The following MICAL2 variants were observed in gnomAD, a reference collection of about 807,000 sequenced individuals.
MICAL2 encodes the protein microtubule associated monooxygenase, calponin and LIM domain containing 2, also known as [F-actin]-monooxygenase MICAL2.
MICAL2 carries 77 observed loss-of-function variants against 127.3 expected under a neutral mutation model. The ratio of observed to expected loss-of-function variants is 0.60; its 90% CI spans 0.50 to 0.73. The LOEUF (loss-of-function observed/expected upper bound fraction) is 0.73. Ranked by LOEUF, MICAL2 falls within the 30% of genes least tolerant of loss-of-function variation. The pLI, the probability that MICAL2 is intolerant of heterozygous loss-of-function variation, is 0.00. For synonymous variants in MICAL2, 570 were observed against 551.1 expected, an observed-to-expected ratio of 1.03 and a Z score of -0.48; for missense variants, 1,351 against 1,434.4, an observed-to-expected ratio of 0.94 and a Z score of 0.94.
chr11:12,218,630 G>A (rs1013001684), intron 8 of MICAL2, among the ~76,000 whole-genome samples: 1 of 152,202 alleles, frequency 6.6e-6, no homozygotes, highest in Non-Finnish European at 1.5e-5. Flanking sequence ...TGTGACCGCG[G>A]AAACAGGGAT....
intron 3 of MICAL2, among the ~76,000 whole-genome samples, chr11:12,168,946 C>CAAAAAAA (rs66469229): frequency 1.7e-5 from 2 of 115,208 alleles, no homozygotes; most frequent in African/African-American, 7.0e-5. Context: ...GATCCTGTCT[C>CAAAAAAA]AAAAAAAAAA....
At chr11:12,289,091 G>T (rs1863861843), downstream of MICAL2, among the ~76,000 whole-genome samples, 2 of 152,226 alleles carry the variant, frequency 1.3e-5, no homozygotes, top group Non-Finnish European at 2.9e-5. Flanking sequence ...CTCCCCAGCT[G>T]ATCATGCTGC....
At chr11:12,178,229 G>A (rs1272865910) in intron 3 of MICAL2, among the ~76,000 whole-genome samples, 2 of 152,196 alleles carry the variant, frequency 1.3e-5, no homozygotes, top group East Asian at 1.9e-4. Flanking sequence ...AGGGAGGTGT[G>A]CTCAGAGAAG....
At chr11:12,236,896 G>A (rs1859150373) in intron 16 of MICAL2, among the ~76,000 whole-genome samples, 1 of 152,314 alleles carries the variant, frequency 6.6e-6, no homozygotes, top group African/African-American at 2.4e-5. Flanking sequence ...TATTGTCAGC[G>A]AAGTGTGGGA....
At chr11:12,203,822 A>T (rs1590333403) in intron 3 of MICAL2, among the ~76,000 whole-genome samples, 1 of 152,174 alleles carries the variant, frequency 6.6e-6, no homozygotes, top group South Asian at 2.1e-4. Context: ...TATCTAAGAC[A>T]CTATTACCTA....
At chr11:12,240,995 A>C (rs771277046) in intron 17 of MICAL2, 45 bp from the exon 18 acceptor site, 45 of 1,603,918 alleles carry the variant, frequency 2.8e-5, no homozygotes, top group Admixed American at 8.5e-5. Context: ...CTTTTCCTTC[A>C]TGTCTCCTGT....
chr11:12,219,260 G>A (rs1414202490), intron 8 of MICAL2, among the ~76,000 whole-genome samples: 2 of 152,076 alleles, frequency 1.3e-5, no homozygotes, highest in Non-Finnish European at 2.9e-5. Flanking sequence ...TGAGCAGCTT[G>A]GACTCTGGGG....
chr11:12,275,101 C>A (rs1431649411), upstream of MICAL2, among the ~76,000 whole-genome samples: 1 of 152,106 alleles, frequency 6.6e-6, no homozygotes, highest in Non-Finnish European at 1.5e-5. Flanking sequence ...AACGAAAGGA[C>A]AAGAGCAGTC....
intron 22 of MICAL2, chr11:12,253,849 G>A (rs559481254): frequency 2.2e-4 from 34 of 152,278 alleles, no homozygotes; most frequent in African/African-American, 7.0e-4. Context: ...TAACCTTTTC[G>A]GTTTCTATGG....
upstream of MICAL2, among the ~76,000 whole-genome samples, chr11:12,272,964 G>A (rs1863688868): frequency 6.6e-6 from 1 of 152,204 alleles, no homozygotes; most frequent in African/African-American, 2.4e-5. Flanking sequence ...ATGGGGCAGG[G>A]CTATACACCC....
intron 30 of MICAL2, chr11:12,323,954 T>G (rs1864328249): frequency 6.3e-7 from 1 of 1,588,114 alleles, no homozygotes; most frequent in Non-Finnish European, 8.5e-7. Flanking sequence ...CTGACATAAT[T>G]TTTTTCTCCA....
At chr11:12,316,189 A>T (rs1864229585) in intron 29 of MICAL2, among the ~76,000 whole-genome samples, 1 of 152,026 alleles carries the variant, frequency 6.6e-6, no homozygotes, top group Non-Finnish European at 1.5e-5. Context: ...GACAATATAT[A>T]GCAGGTTCTT....
chr11:12,147,639 G>A (rs943405248), intron 2 of MICAL2, among the ~76,000 whole-genome samples: 54 of 152,212 alleles, frequency 3.5e-4, no homozygotes, highest in African/African-American at 1.1e-3. Context: ...GCCAAATGGC[G>A]TGGTCTGTGA....
intron 7 of MICAL2, among the ~76,000 whole-genome samples, chr11:12,215,234 G>A (rs184914859): frequency 3.5e-4 from 53 of 152,198 alleles, no homozygotes; most frequent in African/African-American, 1.2e-3. Context: ...TGTCACCTTC[G>A]GCCATCGTTT....
rs1555024327 is a variant in MICAL2, at chr11:12,344,472, C to CTATTATTAT, written c.5516-5331_5516-5323dup. ...ATGATCCTTGTCAAAATTCTAGAAA[C>CTATTATTAT]TATTATTATTATTATTATTATTATT... On this transcript the variant is annotated intron_variant, in intron 32 of 34. Transcript: ENST00000646065. Among the ~76,000 whole-genome samples the CTATTATTAT allele has an allele frequency of 4.3e-3, 611 of 141,464 alleles. 3 individuals are homozygous for CTATTATTAT. The highest frequency in any genetic ancestry group is 6.2e-3 in the African/African-American group (240 of 38,422). 92.8% of individuals were successfully genotyped at this position (141,464 alleles called of 152,430 possible).
intron 8 of MICAL2, among the ~76,000 whole-genome samples, chr11:12,217,041 G>A (rs1184142368): frequency 6.6e-6 from 1 of 152,164 alleles, no homozygotes; most frequent in African/African-American, 2.4e-5. Flanking sequence ...GCGACTTCAT[G>A]CTTAAGCACG....
chr11:12,180,349 A>ATATATAT (rs11403732), intron 3 of MICAL2, among the ~76,000 whole-genome samples: 50 of 139,710 alleles, frequency 3.6e-4, no homozygotes, highest in South Asian at 1.4e-3. Flanking sequence ...ATATGTATAT[A>ATATATAT]TTTTTTTTTT....
intron 31 of MICAL2, chr11:12,327,151 A>T: frequency 6.5e-7 from 1 of 1,549,360 alleles, no homozygotes; most frequent in Non-Finnish European, 8.7e-7. Flanking sequence ...TCCTTGTGTG[A>T]CATCTGATCC....
At chr11:12,289,250 A>C (rs1329537161), downstream of MICAL2, among the ~76,000 whole-genome samples, 1 of 152,210 alleles carries the variant, frequency 6.6e-6, no homozygotes, top group East Asian at 1.9e-4. Flanking sequence ...AACAACCCTA[A>C]GGGCCAGCTG....
Sources: allele counts gnomAD v4.1 joint callset (sites outside exome capture counted in the v4.1 genomes callset), GRCh38; gene constraint gnomAD v4.1.1; transcripts MANE v1.5; gene names NCBI Gene and HGNC (gene_info 2026-07-23, HGNC 2026-07-21).